Variants in ATG10 observed in about 807,000 individuals in gnomAD.
ATG10 encodes autophagy related 10.
ATG10 carries 30 observed loss-of-function variants against 32.1 expected under a neutral mutation model. The ratio of observed to expected loss-of-function variants is 0.94; its 90% CI spans 0.70 to 1.27. The LOEUF is 1.27. ATG10 is among the 50% of genes most tolerant of loss of function. ATG10 has a pLI of 0.00. For synonymous variants in ATG10, 87 were observed against 91.5 expected (o/e 0.95, Z 0.28); for missense variants, 233 against 262.3 (o/e 0.89, Z 0.77).
At chr5:82,201,797 T>C (rs931318648) in intron 5 of ATG10, among the ~76,000 whole-genome samples, 5 of 152,200 alleles carry the variant, frequency 3.3e-5, no homozygotes, top group African/African-American at 1.2e-4. Flanking sequence ...TTGTATGTCT[T>C]CTGTGCTTTC....
chr5:82,033,978 CATA>C (rs1437559695), intron 2 of ATG10, among the ~76,000 whole-genome samples: 1 of 141,750 alleles, frequency 7.1e-6, no homozygotes, highest in African/African-American at 2.8e-5. Context: ...AGTATATATA[CATA>C]CATGTATATA....
intron 3 of ATG10, among the ~76,000 whole-genome samples, chr5:82,099,841 A>G (rs1270638382): frequency 6.6e-6 from 1 of 152,084 alleles, no homozygotes; most frequent in Admixed American, 6.6e-5. Flanking sequence ...TTCTGAACCT[A>G]CTGCAATCAA....
At chr5:82,072,248 T>C (rs1764151973) in intron 3 of ATG10, among the ~76,000 whole-genome samples, 1 of 152,160 alleles carries the variant, frequency 6.6e-6, no homozygotes, top group Non-Finnish European at 1.5e-5. Context: ...CTATGTATTC[T>C]TTGTGCTAGT....
intron 3 of ATG10, among the ~76,000 whole-genome samples, chr5:82,133,622 G>A (rs1024089815): frequency 2.6e-5 from 4 of 152,062 alleles, no homozygotes; most frequent in Admixed American, 1.3e-4. Context: ...TGTAGTTACC[G>A]TAGCCTTGTA....
chr5:82,021,088 T>A (rs1275771248), intron 2 of ATG10, among the ~76,000 whole-genome samples: 1 of 152,340 alleles, frequency 6.6e-6, no homozygotes, highest in African/African-American at 2.4e-5. Context: ...TCATTTTTTT[T>A]AATAACCCTG....
In ATG10 at chr5:82,194,504, A is replaced by T. The variant is rs140353308; in HGVS notation, c.453+15917A>T. Among the ~76,000 whole-genome samples, 35 of 152,286 alleles carry T rather than the reference A, an allele frequency of 2.3e-4. No homozygotes were observed. In the East Asian group the frequency reaches 6.6e-3, roughly 29 times the overall value. On this transcript the variant is annotated intron_variant, in intron 5 of 7. Transcript: ENST00000282185. ...GGATTCAACAGGTCTATATTTTAAG[A>T]GAGTTATCGGGAATATGTAAGTCCA...
intron 3 of ATG10, among the ~76,000 whole-genome samples, chr5:82,130,583 C>G (rs1358311136): frequency 6.6e-6 from 1 of 151,964 alleles, no homozygotes; most frequent in Non-Finnish European, 1.5e-5. Flanking sequence ...TCATGGCTTT[C>G]CTTGGCTAGG....
intron 2 of ATG10, chr5:82,010,015 C>A: frequency 6.2e-7 from 1 of 1,609,344 alleles, no homozygotes; most frequent in Non-Finnish European, 8.5e-7. Flanking sequence ...GGGACCTTGT[C>A]AGCTAACAGC....
intron 3 of ATG10, among the ~76,000 whole-genome samples, chr5:82,141,243 AAAAG>A (rs1380858676): frequency 2.2e-4 from 33 of 152,292 alleles, no homozygotes; most frequent in African/African-American, 3.6e-4. Flanking sequence ...TAAAAAAAAA[AAAAG>A]AAAGTCGAGT....
chr5:82,179,583 A>C (rs1047168151), intron 5 of ATG10, among the ~76,000 whole-genome samples: 1 of 152,178 alleles, frequency 6.6e-6, no homozygotes. Flanking sequence ...AGATCTGTCA[A>C]TCATGTAAGT....
At chr5:82,012,292 C>T (rs148504506) in intron 2 of ATG10, among the ~76,000 whole-genome samples, 2 of 152,274 alleles carry the variant, frequency 1.3e-5, no homozygotes, top group East Asian at 1.9e-4. Context: ...CAATTTTGTT[C>T]AGTTTCAAAG....
At chr5:81,992,907 A>AC (rs76543672) in intron 2 of ATG10, among the ~76,000 whole-genome samples, 14,707 of 152,272 alleles carry the variant, frequency 0.097, 1,061 homozygotes, top group East Asian at 0.38. Context: ...CTGGAGCTAT[A>AC]CAGAATAAGA....
At chr5:82,011,955 T>C (rs978134297) in intron 2 of ATG10, among the ~76,000 whole-genome samples, 3 of 152,222 alleles carry the variant, frequency 2.0e-5, no homozygotes, top group Non-Finnish European at 2.9e-5. Flanking sequence ...GGTTGGTTGG[T>C]TGCTTGTGCC....
intron 5 of ATG10, among the ~76,000 whole-genome samples, chr5:82,184,354 T>A (rs941867307): frequency 6.6e-6 from 1 of 152,210 alleles, no homozygotes; most frequent in Non-Finnish European, 1.5e-5. Flanking sequence ...ATTGTAATCA[T>A]AATCATTATT....
intron 3 of ATG10, among the ~76,000 whole-genome samples, chr5:82,152,119 A>G (rs1351646345): frequency 6.6e-6 from 1 of 152,254 alleles, no homozygotes; most frequent in African/African-American, 2.4e-5. Context: ...CTGCACCATT[A>G]CTAAATAAAA....
At chr5:82,053,133 A>G (rs1375334844) in intron 2 of ATG10, among the ~76,000 whole-genome samples, 1 of 152,130 alleles carries the variant, frequency 6.6e-6, no homozygotes, top group Admixed American at 6.6e-5. Flanking sequence ...TGTTTTATCC[A>G]TGTCTTTGTC....
chr5:82,143,564 G>C (rs761544117), intron 3 of ATG10, among the ~76,000 whole-genome samples: 8 of 152,260 alleles, frequency 5.3e-5, no homozygotes, highest in Non-Finnish European at 1.2e-4. Flanking sequence ...ACAGTAGCTA[G>C]TGGGGGAAAA....
At chr5:81,997,028 GCA>G (rs139205640) in intron 2 of ATG10, among the ~76,000 whole-genome samples, 2,589 of 152,184 alleles carry the variant, frequency 0.017, 77 homozygotes, top group African/African-American at 0.059. Flanking sequence ...CAGTGCTGGT[GCA>G]CACACACACA....
At chr5:82,229,534 A>C (rs1205841562) in intron 5 of ATG10, among the ~76,000 whole-genome samples, 1 of 152,184 alleles carries the variant, frequency 6.6e-6, no homozygotes, top group Admixed American at 6.5e-5. Flanking sequence ...TTAATATATA[A>C]TTTTGTGTGC....
Sources: allele counts gnomAD v4.1 joint callset (sites outside exome capture counted in the v4.1 genomes callset), GRCh38; gene constraint gnomAD v4.1.1; transcripts MANE v1.5; gene names NCBI Gene and HGNC (gene_info 2026-07-23, HGNC 2026-07-21).